Variants in THEM4 observed in about 807,000 individuals in gnomAD.
The protein encoded by THEM4 is thioesterase superfamily member 4, also known as acyl-coenzyme A thioesterase THEM4.
In THEM4, 22 loss-of-function variants were observed where a neutral mutation model predicts 25.0. The ratio of observed to expected loss-of-function variants is 0.88; its 90% CI spans 0.63 to 1.26. THEM4 has a LOEUF of 1.26. THEM4 is among the 50% of genes most tolerant of loss of function. The pLI is 0.00. For synonymous variants in THEM4, 113 were observed against 105.6 expected (o/e 1.07, Z -0.43); for missense variants, 286 against 300.3 (o/e 0.95, Z 0.35).
intron 2 of THEM4, among the ~76,000 whole-genome samples, chr1:151,892,997 T>C (rs1558192082): frequency 6.6e-6 from 1 of 152,134 alleles, no homozygotes; most frequent in Non-Finnish European, 1.5e-5. Flanking sequence ...AGTCAACAGC[T>C]GTGCCAAAAG....
intron 1 of THEM4, among the ~76,000 whole-genome samples, chr1:151,903,735 T>G (rs1339028001): frequency 6.6e-6 from 1 of 152,238 alleles, no homozygotes; most frequent in East Asian, 1.9e-4. Flanking sequence ...TGAACTCATC[T>G]CATTAGCCAC....
Position 151,872,656 on chromosome 1 carries a change from C to A in THEM4, c.*2232G>T, listed in dbSNP as rs1653579346. Among the ~76,000 whole-genome samples the A allele has an allele frequency of 6.6e-6, 1 of 152,180 alleles. No individual in the cohort carries two copies. Among genetic ancestry groups the A allele is most frequent in the Non-Finnish European group, 1.5e-5 (1 of 68,038 alleles). On this transcript the variant is annotated 3_prime_UTR_variant, in exon 6 of 6. Transcript: ENST00000368814. ...AGCCCCAACCCTGTGCTTACAGAAA[C>A]ATGTGCTGTATGGAATCAAGGTTTA...
chr1:151,905,455 G>A (rs74126714), intron 1 of THEM4, among the ~76,000 whole-genome samples: 4,181 of 151,834 alleles, frequency 0.028, 200 homozygotes, highest in African/African-American at 0.095. Flanking sequence ...TGTGTTTGGC[G>A]CTCAAATATG....
chr1:151,878,519 T>C (rs1016453962), intron 4 of THEM4, among the ~76,000 whole-genome samples: 2 of 152,218 alleles, frequency 1.3e-5, no homozygotes, highest in East Asian at 1.9e-4. Context: ...CCTAATGACA[T>C]CACTGAATAT....
At chr1:151,876,680 C>G (rs1267559897) in intron 5 of THEM4, among the ~76,000 whole-genome samples, 1 of 152,006 alleles carries the variant, frequency 6.6e-6, no homozygotes, top group African/African-American at 2.4e-5. Context: ...AACTCCTGGG[C>G]TCAAGTGATC....
Position 151,909,445 on chromosome 1 carries a change from C to A in THEM4, c.14G>T (p.Cys5Phe). Residue 5 changes from cysteine (C) to phenylalanine (F), a missense_variant, in exon 1 of 6, where the codon TGC (cysteine) becomes TTC (phenylalanine). Coordinates refer to ENST00000368814, the MANE Select transcript of THEM4 (RefSeq NM_053055.5). ...CCCCAGCGTGCGGAGGCGCGCGGCG[C>A]AGCTCCTCAGCATGGCTCCGGGCCG... Reference protein sequence around the residue: MLRSCAARLRTLGAL... With the variant: MLRSFAARLRTLGAL... 1 of 1,446,256 alleles carries A rather than the reference C, an allele frequency of 6.9e-7. No homozygotes were observed. The highest frequency in any genetic ancestry group is 9.0e-7 in the Non-Finnish European group (1 of 1,107,968). The allele number at this position is 1,446,256 out of a possible 1,614,324, so 89.6% of individuals were successfully genotyped here. A position where few individuals can be genotyped will look rare whatever the true frequency, so the allele number is the denominator to read the frequency against.
chr1:151,873,681 C>T lies in THEM4; in HGVS notation c.*1207G>A, dbSNP rs966597746. Reference sequence around the variant, plus strand: ...CAGGTGGGTCCATTATGACTGGTTTCCTTATAAAAAGAGGAGACTTGGACA... The same window carrying T: ...CAGGTGGGTCCATTATGACTGGTTTTCTTATAAAAAGAGGAGACTTGGACA... On this transcript the variant is annotated 3_prime_UTR_variant, in exon 6 of 6. Coordinates refer to ENST00000368814, the MANE Select transcript of THEM4 (RefSeq NM_053055.5). 6.6e-6 allele frequency: 1 copy of T among 152,156 alleles called. No individual in the cohort carries two copies. Among genetic ancestry groups the T allele is most frequent in the African/African-American group, 2.4e-5 (1 of 41,406 alleles). The allele number at this position is 152,156 out of a possible 1,614,324, so 9.4% of individuals were successfully genotyped here. A position where few individuals can be genotyped will look rare whatever the true frequency, so the allele number is the denominator to read the frequency against.
At chr1:151,907,211 CTT>C (rs1654490015) in intron 1 of THEM4, among the ~76,000 whole-genome samples, 1 of 152,158 alleles carries the variant, frequency 6.6e-6, no homozygotes, top group Non-Finnish European at 1.5e-5. Context: ...CAATTTCACT[CTT>C]GAGCCAGCAA....
At position 151,895,046 on chromosome 1, in the gene THEM4, G is replaced by A; in HGVS notation, c.248C>T (p.Pro83Leu). ...WKRLPSYKRT[P>L]TEWIQDFKTH... The stretch of plus-strand genomic sequence containing the variant: ...TTTGAAGTCTTGAATCCATTCAGTA[G>A]GTGTACGTTTATATGAAGGCAAACG... Residue 83 changes from proline (P) to leucine (L), a missense_variant, in exon 2 of 6, where the codon CCT (proline) becomes CTT (leucine). Physicochemically the swap from Pro to Leu is moderately conservative, Grantham distance 98 (BLOSUM62 -3). Coordinates refer to ENST00000368814, the MANE Select transcript of THEM4 (RefSeq NM_053055.5). 6.2e-7 allele frequency: 1 copy of A among 1,614,052 alleles called. No homozygotes were observed. The highest frequency in any genetic ancestry group is 8.5e-7 in the Non-Finnish European group (1 of 1,180,018).
chr1:151,889,238 C>A lies in THEM4; in HGVS notation c.422G>T (p.Gly141Val), dbSNP rs756860228. 5.0e-6 allele frequency: 8 copies of A among 1,612,888 alleles called. No individual in the cohort carries two copies. The South Asian group carries it at 6.6e-5, about 13-fold the overall frequency. Residue 141 changes from glycine (G) to valine (V), a missense_variant, in exon 3 of 6, where the codon GGC (glycine) becomes GTC (valine). By Grantham distance (109) the Gly-to-Val change is moderately radical (BLOSUM62 -3). Transcript: ENST00000368814. ...EKRMVCLFQGGPYLEGPPGFI... is the reference protein window; with the variant it reads ...EKRMVCLFQGVPYLEGPPGFI... The stretch of plus-strand genomic sequence containing the variant: ...CCCAGGTGGTCCTTCCAGGTAAGGG[C>A]CTCCTTGAAATAAGCAAACCATCCT...
chr1:151,884,383 T>C (rs1653917216), intron 4 of THEM4, among the ~76,000 whole-genome samples: 1 of 152,212 alleles, frequency 6.6e-6, no homozygotes, highest in Non-Finnish European at 1.5e-5. Context: ...CCATAAGAAT[T>C]CACATTTACC....
rs185089167 is a variant in THEM4, at chr1:151,874,782, G to A, written c.*106C>T. 79 of 1,030,488 alleles carry A rather than the reference G, an allele frequency of 7.7e-5. No individual in the cohort carries two copies. Among genetic ancestry groups the A allele is most frequent in the African/African-American group, 7.3e-4 (46 of 63,042 alleles). The allele number at this position is 1,030,488 out of a possible 1,614,324, so 63.8% of individuals were successfully genotyped here. On this transcript the variant is annotated 3_prime_UTR_variant, in exon 6 of 6. Coordinates refer to ENST00000368814, the MANE Select transcript of THEM4 (RefSeq NM_053055.5). ...AAGGCTGTTTCGGAAGGTCACTGTT[G>A]GCAGGCTTCTCCCTACAGGGATTCA...
At chr1:151,892,435 A>C (rs762508586) in intron 2 of THEM4, among the ~76,000 whole-genome samples, 1 of 152,194 alleles carries the variant, frequency 6.6e-6, no homozygotes, top group African/African-American at 2.4e-5. Flanking sequence ...TGAGGGTAGA[A>C]GCCAGATTGT....
chr1:151,870,900 G>C lies in THEM4; in HGVS notation c.*3988C>G, dbSNP rs1653536566. Among the ~76,000 whole-genome samples the C allele has an allele frequency of 6.6e-6, 1 of 151,986 alleles. No individual in the cohort carries two copies. Among genetic ancestry groups the C allele is most frequent in the South Asian group, 2.1e-4 (1 of 4,824 alleles). ...ATGACTCTCATTTTATTGTTTCTTAGACATTTAGAAACCTGGGAGTAAGAG... is the reference window on the plus strand; with the variant it reads ...ATGACTCTCATTTTATTGTTTCTTACACATTTAGAAACCTGGGAGTAAGAG... On this transcript the variant is annotated 3_prime_UTR_variant, in exon 6 of 6. Coordinates refer to ENST00000368814, the MANE Select transcript of THEM4 (RefSeq NM_053055.5).
Position 151,889,231 on chromosome 1 carries a change from G to C in THEM4, c.429C>G (p.Tyr143Ter). The change falls in exon 3 of 6, where the codon TAC becomes TAG. Residue 143 changes from tyrosine (Y) to a stop codon, truncating the protein, a stop_gained. Transcript: ENST00000368814. LOFTEE classifies it high-confidence loss of function. The part of the protein sequence containing the change: ...RMVCLFQGGP[Y>*]LEGPPGFIHG... ...ATTCTTACCCAGGTGGTCCTTCCAG[G>C]TAAGGGCCTCCTTGAAATAAGCAAA... 1 of 1,612,644 alleles carries C rather than the reference G, an allele frequency of 6.2e-7. No individual in the cohort carries two copies. Among genetic ancestry groups the C allele is most frequent in the Admixed American group, 1.7e-5 (1 of 59,998 alleles).
intron 5 of THEM4, among the ~76,000 whole-genome samples, chr1:151,876,298 G>C (rs1000203750): frequency 3.9e-5 from 6 of 152,080 alleles, no homozygotes; most frequent in African/African-American, 1.2e-4. Flanking sequence ...TGTTTGCTAC[G>C]TTTTGCCATT....
chr1:151,877,656 G>A (rs1311629887), intron 4 of THEM4, among the ~76,000 whole-genome samples: 1 of 152,164 alleles, frequency 6.6e-6, no homozygotes, highest in African/African-American at 2.4e-5. Flanking sequence ...TGATACAAAT[G>A]TTCCATATCT....
chr1:151,893,731 G>A (rs1654147653), intron 2 of THEM4, among the ~76,000 whole-genome samples: 1 of 152,102 alleles, frequency 6.6e-6, no homozygotes, highest in African/African-American at 2.4e-5. Context: ...AGGGTGAGAA[G>A]GGAAAGTATT....
At chr1:151,885,674 G>A (rs1034574007) in intron 4 of THEM4, among the ~76,000 whole-genome samples, 7 of 152,220 alleles carry the variant, frequency 4.6e-5, no homozygotes, top group Non-Finnish European at 1.0e-4. Context: ...GTCATGAATG[G>A]GTCATTGGCA....
Sources: allele counts gnomAD v4.1 joint callset (sites outside exome capture counted in the v4.1 genomes callset), GRCh38; gene constraint gnomAD v4.1.1; transcripts MANE v1.5; gene names NCBI Gene and HGNC (gene_info 2026-07-23, HGNC 2026-07-21).